PEAR1: variants seen among roughly 807,000 people sequenced by gnomAD.
PEAR1 encodes the protein multiple EGF-like domains protein 12.
In PEAR1, 113 loss-of-function variants were observed where a neutral mutation model predicts 131.2. The ratio of observed to expected loss-of-function variants is 0.86; its 90% CI spans 0.74 to 1.01. The LOEUF is 1.01. Ranked by LOEUF, PEAR1 falls within the 50% of genes least tolerant of loss-of-function variation. The pLI, the probability that PEAR1 is intolerant of heterozygous loss-of-function variation, is 0.00. For synonymous variants in PEAR1, 565 were observed against 523.3 expected (o/e 1.08, Z -1.09); for missense variants, 1,408 against 1,391.1 (o/e 1.01, Z -0.19).
In PEAR1 at chr1:156,906,258, C is replaced by T. The variant is rs1558131765; in HGVS notation, c.308-18C>T. 1 of 1,612,180 alleles carries T rather than the reference C, an allele frequency of 6.2e-7. No individual in the cohort carries two copies. Among genetic ancestry groups the T allele is most frequent in the Non-Finnish European group, 8.5e-7 (1 of 1,178,392 alleles). On this transcript the variant is annotated intron_variant, in intron 4 of 22. Coordinates refer to ENST00000292357, the MANE Select transcript of PEAR1 (RefSeq NM_001080471.3). ...GGGCAGGGGTGGACACATCTCACCACACCCATCTCTGTCCCAGCGCTCTGT... is the reference window on the plus strand; with the variant it reads ...GGGCAGGGGTGGACACATCTCACCATACCCATCTCTGTCCCAGCGCTCTGT...
At position 156,915,474 on chromosome 1, in the gene PEAR1, C is replaced by A. The variant is rs923916996; in HGVS notation, c.*676C>A. On this transcript the variant is annotated 3_prime_UTR_variant, in exon 23 of 23. Transcript: ENST00000292357. ...TCCTGTCACTGCACGCCAGTCACAC[C>A]GGCCTCTAGGTCCTCCTGTAGGCCA... 6.6e-6 allele frequency: 1 copy of A among 152,260 alleles called. No individual in the cohort carries two copies. The highest frequency in any genetic ancestry group is 2.4e-5 in the African/African-American group (1 of 41,450). 9.4% of individuals were successfully genotyped at this position (152,260 alleles called of 1,614,324 possible). A position where few individuals can be genotyped will look rare whatever the true frequency, so the allele number is the denominator to read the frequency against.
Position 156,910,441 on chromosome 1 carries a change from C to G in PEAR1, c.1825+61C>G. The G allele has an allele frequency of 5.2e-6, 8 of 1,546,562 alleles. No homozygotes were observed. The South Asian group carries it at 9.9e-5, about 19-fold the overall frequency. ...GCAGGGGGCAGTGTAGTGTCAGCTGCCAGAGCACCCCTCCCCCCGCGCCCG... is the reference window on the plus strand; with the variant it reads ...GCAGGGGGCAGTGTAGTGTCAGCTGGCAGAGCACCCCTCCCCCCGCGCCCG... On this transcript the variant is annotated intron_variant, in intron 14 of 22. Coordinates refer to ENST00000292357, the MANE Select transcript of PEAR1 (RefSeq NM_001080471.3).
chr1:156,907,494 G>C, intron 6 of PEAR1, 116 bp from the exon 7 acceptor site: 2 of 1,468,200 alleles, frequency 1.4e-6, no homozygotes, highest in Non-Finnish European at 1.8e-6. Context: ...CAGCAGGAAA[G>C]AGCAAGTGTG....
At chr1:156,911,590 A>G (rs57883920) in intron 15 of PEAR1, among the ~76,000 whole-genome samples, 5,496 of 148,884 alleles carry the variant, frequency 0.037, 346 homozygotes, top group African/African-American at 0.13. Flanking sequence ...CACTGCGCCC[A>G]GCCCTTTTTT....
chr1:156,895,734 G>A (rs938925599), intron 1 of PEAR1, among the ~76,000 whole-genome samples: 1 of 151,836 alleles, frequency 6.6e-6, no homozygotes, highest in Non-Finnish European at 1.5e-5. Flanking sequence ...GGAGACAGAG[G>A]GAGAGGAGGA....
chr1:156,906,178 G>A, intron 4 of PEAR1, 98 bp from the exon 5 acceptor site: 2 of 1,108,352 alleles, frequency 1.8e-6, no homozygotes, highest in Non-Finnish European at 2.7e-6. Context: ...AGAACTTCAG[G>A]TCCCTGGTTT....
chr1:156,914,872 AC>A lies in PEAR1; in HGVS notation c.*78del. 1 of 1,524,590 alleles carries A rather than the reference AC, an allele frequency of 6.6e-7. No individual in the cohort carries two copies. Among genetic ancestry groups the A allele is most frequent in the Non-Finnish European group, 8.9e-7 (1 of 1,121,918 alleles). 94.4% of individuals were successfully genotyped at this position (1,524,590 alleles called of 1,614,324 possible). A position where few individuals can be genotyped will look rare whatever the true frequency, so the allele number is the denominator to read the frequency against. ...CAAGGCTGGGGACAGAGCCTAGTGT[AC>A]CCCTGCCAGGAGCAGGGAGTGGACC... On this transcript the variant is annotated 3_prime_UTR_variant, in exon 23 of 23. Transcript: ENST00000292357.
chr1:156,895,368 G>T (rs1649065363), intron 1 of PEAR1, among the ~76,000 whole-genome samples: 1 of 152,226 alleles, frequency 6.6e-6, no homozygotes, highest in African/African-American at 2.4e-5. Context: ...GAGGCCAGGT[G>T]GAGCCTCCAC....
In PEAR1 at chr1:156,898,206, A is replaced by T. The variant is rs530395432; in HGVS notation, c.-10+4369A>T. 2.0e-5 allele frequency among the ~76,000 whole-genome samples: 3 copies of T among 152,246 alleles called. No homozygotes were observed. The East Asian group carries it at 5.8e-4, about 29-fold the overall frequency. The stretch of plus-strand genomic sequence containing the variant: ...TTCCAGGGTGGCGGCGAGGGTTGGG[A>T]CTGGCACTGGCAACACCCTCTGGGA... On this transcript the variant is annotated intron_variant, in intron 1 of 22. Transcript: ENST00000292357.
rs749284708 is a variant in PEAR1, at chr1:156,904,923, C to G, written c.206+71C>G. 29 of 1,600,960 alleles carry G rather than the reference C, an allele frequency of 1.8e-5. No individual in the cohort carries two copies. The South Asian group carries it at 3.2e-4, about 18-fold the overall frequency. On this transcript the variant is annotated intron_variant, in intron 3 of 22. Coordinates refer to ENST00000292357, the MANE Select transcript of PEAR1 (RefSeq NM_001080471.3). The stretch of plus-strand genomic sequence containing the variant: ...CTGCCTCAGCCTGGCCCCTGGCCCT[C>G]TGTACCTGTTCACTTCTCAGAAACT...
At chr1:156,911,111 CTTTCTTCTTTCTTTCT>C (rs1651089413) in intron 15 of PEAR1, among the ~76,000 whole-genome samples, 1 of 91,284 alleles carries the variant, frequency 1.1e-5, no homozygotes, top group Admixed American at 1.2e-4. Flanking sequence ...TCTTTCTTTT[CTTTCTTCTTTCTTTCT>C]TTCCTTTCTT....
In PEAR1 at chr1:156,916,048, G is replaced by C. The variant is rs1034868271; in HGVS notation, c.*1250G>C. ...AGGGGCTGAGGCTGAGGGGGGTGCA[G>C]AGGCTGGAGAAAGGATAACAGGAGA... On this transcript the variant is annotated 3_prime_UTR_variant, in exon 23 of 23. Coordinates refer to ENST00000292357, the MANE Select transcript of PEAR1 (RefSeq NM_001080471.3). The C allele has an allele frequency of 2.6e-5, 4 of 152,288 alleles. No individual in the cohort carries two copies. Among genetic ancestry groups the C allele is most frequent in the African/African-American group, 9.6e-5 (4 of 41,458 alleles). 9.4% of individuals were successfully genotyped at this position (152,288 alleles called of 1,614,324 possible).
At chr1:156,911,084 T>TCTTTC (rs1553269267) in intron 15 of PEAR1, among the ~76,000 whole-genome samples, 8 of 132,554 alleles carry the variant, frequency 6.0e-5, no homozygotes, top group African/African-American at 1.9e-4. Flanking sequence ...TTTCTTTCTT[T>TCTTTC]CTTTCTTTCC....
intron 1 of PEAR1, among the ~76,000 whole-genome samples, chr1:156,898,848 G>C (rs952424440): frequency 1.3e-5 from 2 of 152,212 alleles, no homozygotes; most frequent in Non-Finnish European, 2.9e-5. Flanking sequence ...AACTGTACAT[G>C]GCAGCCTTAG....
intron 1 of PEAR1, among the ~76,000 whole-genome samples, chr1:156,901,123 C>A (rs891059155): frequency 6.6e-6 from 1 of 152,230 alleles, no homozygotes. Flanking sequence ...CCCGGGGCCA[C>A]CCACTGATCT....
intron 1 of PEAR1, among the ~76,000 whole-genome samples, chr1:156,895,277 C>T (rs867748714): frequency 3.3e-5 from 5 of 152,370 alleles, no homozygotes; most frequent in Admixed American, 1.3e-4. Flanking sequence ...ATCCACCAGT[C>T]GGAAACCTGG....
Position 156,914,787 on chromosome 1 carries a change from C to T in PEAR1, c.3103C>T (p.Gln1035Ter), listed in dbSNP as rs758076287. 1 of 1,613,892 alleles carries T rather than the reference C, an allele frequency of 6.2e-7. No individual in the cohort carries two copies. Among genetic ancestry groups the T allele is most frequent in the Non-Finnish European group, 8.5e-7 (1 of 1,179,844 alleles). ...TCCCCCATCACCTCCACTTCGACGC[C>T]AGGACCGTTGAGGAGCCAGGATGGT... is the stretch of plus-strand genomic sequence containing the variant. ...RHPPSPPLRR[Q>*]DR The change falls in exon 23 of 23, where the codon CAG (glutamine) becomes TAG (stop). Residue 1035 changes from glutamine (Q) to a stop codon, truncating the protein, a stop_gained. Coordinates refer to ENST00000292357, the MANE Select transcript of PEAR1 (RefSeq NM_001080471.3). LOFTEE classifies it high-confidence loss of function.
At position 156,904,869 on chromosome 1, in the gene PEAR1, C is replaced by G. The variant is rs770806267; in HGVS notation, c.206+17C>G. The G allele has an allele frequency of 1.2e-6, 2 of 1,613,926 alleles. No individual in the cohort carries two copies. The highest frequency in any genetic ancestry group is 2.2e-5 in the South Asian group (2 of 91,060). On this transcript the variant is annotated intron_variant, in intron 3 of 22. Coordinates refer to ENST00000292357, the MANE Select transcript of PEAR1 (RefSeq NM_001080471.3). ...CCAGCCCACGTGAGTGCTCCTCATC[C>G]TCCATGGGTGGATGGGCTACCTGAG...
At chr1:156,898,634 C>T (rs1177385600) in intron 1 of PEAR1, among the ~76,000 whole-genome samples, 1 of 152,134 alleles carries the variant, frequency 6.6e-6, no homozygotes, top group Non-Finnish European at 1.5e-5. Flanking sequence ...GTGATCCTGT[C>T]TCCATGGCAA....
Sources: gnomAD v4.1 joint callset for allele counts (sites outside exome capture counted in the v4.1 genomes callset) on GRCh38, gnomAD v4.1.1 for gene constraint, MANE v1.5 for transcripts, NCBI Gene and HGNC (gene_info 2026-07-23, HGNC 2026-07-21) for gene names.